The following POR variants were observed in gnomAD, a reference collection of about 807,000 sequenced individuals.
The protein encoded by POR is NADPH--cytochrome P450 reductase.
A neutral mutation model predicts 84.0 loss-of-function variants in POR; 56 were observed. The observed-to-expected ratio is 0.67, with a 90% confidence interval of 0.54 to 0.83. The LOEUF (loss-of-function observed/expected upper bound fraction) is 0.83, where lower values mean the gene tolerates loss of function less well. Ranked by LOEUF, POR falls within the 40% of genes least tolerant of loss-of-function variation. POR has a pLI of 0.00. For synonymous variants in POR, 414 were observed against 400.5 expected, an observed-to-expected ratio of 1.03 and a Z score of -0.40; for missense variants, 938 against 944.3, an observed-to-expected ratio of 0.99 and a Z score of 0.09.
chr7:75,936,438 C>T (rs886787643), intron 1 of POR, among the ~76,000 whole-genome samples: 1 of 151,968 alleles, frequency 6.6e-6, no homozygotes, highest in Admixed American at 6.6e-5. Flanking sequence ...GACTACTGTG[C>T]CCTAGAGCCA....
intron 11 of POR, 21 bp downstream of exon 11, chr7:75,984,979 C>T: frequency 6.3e-7 from 1 of 1,576,588 alleles, no homozygotes; most frequent in Non-Finnish European, 8.6e-7. Flanking sequence ...TCAGCCCCCG[C>T]AACCTCCGCC....
rs781942398 is a variant in POR, at chr7:75,983,769, C to A, written c.979C>A (p.Pro327Thr). Residue 327 changes from proline (P) to threonine (T), a missense_variant, in exon 10 of 16, where the codon CCA (proline) becomes ACA (threonine). Coordinates refer to ENST00000461988, the MANE Select transcript of POR (RefSeq NM_000941.3). ...ATCTGGGGACCACGTGGCTGTGTAC[C>A]CAGCCAACGACTCTGCTCTCGTCAA... 5 of 1,612,314 alleles carry A rather than the reference C, an allele frequency of 3.1e-6. No homozygotes were observed. The African/African-American group carries it at 4.0e-5, about 13-fold the overall frequency.
chr7:75,918,493 C>A (rs545891873), intron 1 of POR, among the ~76,000 whole-genome samples: 126 of 152,034 alleles, frequency 8.3e-4, no homozygotes, highest in Non-Finnish European at 1.5e-3. Flanking sequence ...GAGAAAGAAC[C>A]CACTCCACCT....
chr7:75,961,864 A>ATT (rs1404791684), intron 2 of POR, among the ~76,000 whole-genome samples: 1 of 152,112 alleles, frequency 6.6e-6, no homozygotes, highest in Admixed American at 6.5e-5. Flanking sequence ...AAACACAAAC[A>ATT]TTAGTCAAGT....
At chr7:75,983,657 C>G in intron 9 of POR, 21 bp downstream of exon 9, 1 of 1,609,566 alleles carries the variant, frequency 6.2e-7, no homozygotes, top group Non-Finnish European at 8.5e-7. Flanking sequence ...CCACTGTCAC[C>G]CCCTGAACCC....
intron 6 of POR, 78 bp from the exon 7 acceptor site, chr7:75,981,439 C>T (rs1369524006): frequency 3.6e-5 from 49 of 1,364,088 alleles, no homozygotes; most frequent in Admixed American, 1.8e-4. Context: ...GGGGTGGGGT[C>T]GGGGCGTGCC....
At chr7:75,927,439 AGAGT>A (rs1173812440) in intron 1 of POR, among the ~76,000 whole-genome samples, 1 of 151,906 alleles carries the variant, frequency 6.6e-6, no homozygotes, top group African/African-American at 2.4e-5. Flanking sequence ...CCTGGCTGAC[AGAGT>A]GAGACCCTGT....
At chr7:75,981,355 C>T (rs1182293790) in intron 6 of POR, among the ~76,000 whole-genome samples, 162 bp from the exon 7 acceptor site, 2 of 152,226 alleles carry the variant, frequency 1.3e-5, no homozygotes, top group Non-Finnish European at 2.9e-5. Flanking sequence ...TTGCCCAACT[C>T]CCTGGAGCCT....
rs998244516 is a variant in POR at position 75,939,839 on chromosome 7, C to T, written c.-4-14150C>T. Among the ~76,000 whole-genome samples the T allele has an allele frequency of 4.7e-4, 72 of 151,988 alleles. 1 individual carries two copies. The highest frequency in any genetic ancestry group is 7.2e-4 in the Admixed American group (11 of 15,256). On this transcript the variant is annotated intron_variant, in intron 1 of 15. Transcript: ENST00000461988. ...GCCAGGCTGGTCTCGAGCTCCTGAC[C>T]TCAAGTGATCCACCCGCCTCAGCCT...
At chr7:75,923,861 C>T (rs1450714789) in intron 1 of POR, among the ~76,000 whole-genome samples, 3 of 150,264 alleles carry the variant, frequency 2.0e-5, no homozygotes, top group Non-Finnish European at 4.4e-5. Context: ...GTCCTCCAGC[C>T]TGGGCAACAA....
At chr7:75,981,221 G>T in intron 6 of POR, 49 bp downstream of exon 6, 1 of 1,487,490 alleles carries the variant, frequency 6.7e-7, no homozygotes. Flanking sequence ...CTTAGGCAGG[G>T]GCCGTGGAAC....
intron 7 of POR, 87 bp from the exon 8 acceptor site, chr7:75,982,137 T>C (rs1789085389): frequency 7.2e-6 from 7 of 975,508 alleles, no homozygotes; most frequent in Non-Finnish European, 9.6e-6. Flanking sequence ...CCAAAGGCCA[T>C]GCACGGTCTC....
chr7:75,957,141 A>T (rs1787723826), intron 2 of POR, among the ~76,000 whole-genome samples: 2 of 152,132 alleles, frequency 1.3e-5, no homozygotes, highest in Non-Finnish European at 1.5e-5. Context: ...TTCTGCTCTC[A>T]GAGAGGTTAT....
At chr7:75,975,973 A>AT (rs1413584547) in intron 3 of POR, among the ~76,000 whole-genome samples, 2 of 151,882 alleles carry the variant, frequency 1.3e-5, no homozygotes, top group Non-Finnish European at 2.9e-5. Context: ...CTATTACATC[A>AT]TGCCACATTT....
chr7:75,917,107 G>A (rs1032620801), intron 1 of POR, among the ~76,000 whole-genome samples: 3 of 151,164 alleles, frequency 2.0e-5, no homozygotes, highest in Admixed American at 6.6e-5. Flanking sequence ...TCACTCTGTC[G>A]TGCAGGCTGG....
chr7:75,983,974 T>A, intron 10 of POR, 118 bp downstream of exon 10: 1 of 750,358 alleles, frequency 1.3e-6, no homozygotes, highest in Non-Finnish European at 2.1e-6. Context: ...GGGAGGCCCT[T>A]GCACCGAGAC....
Position 75,985,720 on chromosome 7 carries a change from A to G in POR, c.1540A>G (p.Met514Val), listed in dbSNP as rs1554559132. 2.5e-6 allele frequency: 4 copies of G among 1,588,526 alleles called. No homozygotes were observed. Among genetic ancestry groups the G allele is most frequent in the Non-Finnish European group, 3.4e-6 (4 of 1,169,266 alleles). ...GAACGGCGGCCGTGCGCTGGTGCCC[A>G]TGTTCGTGCGCAAGTCCCAGTTCCG... is the stretch of plus-strand genomic sequence containing the variant. The change falls in exon 13 of 16, where the codon ATG (methionine) becomes GTG (valine). Residue 514 changes from methionine (M) to valine (V), a missense_variant. By Grantham distance (21) the Met-to-Val change is conservative. Coordinates refer to ENST00000461988, the MANE Select transcript of POR (RefSeq NM_000941.3).
At chr7:75,949,113 T>C (rs555360572) in intron 1 of POR, among the ~76,000 whole-genome samples, 18 of 152,224 alleles carry the variant, frequency 1.2e-4, no homozygotes, top group African/African-American at 4.1e-4. Context: ...ATGGGCCTTA[T>C]GAGCTGTGTA....
chr7:75,937,301 A>G (rs577963982), intron 1 of POR, among the ~76,000 whole-genome samples: 1 of 149,978 alleles, frequency 6.7e-6, no homozygotes, highest in Non-Finnish European at 1.5e-5. Flanking sequence ...CAAAAAAAAA[A>G]AAAAAACAAA....
Sources: gnomAD v4.1 joint callset for allele counts (sites outside exome capture counted in the v4.1 genomes callset) on GRCh38, gnomAD v4.1.1 for gene constraint, MANE v1.5 for transcripts, NCBI Gene and HGNC (gene_info 2026-07-23, HGNC 2026-07-21) for gene names.